Variants in PDZRN4 observed in about 807,000 individuals in gnomAD.
PDZRN4 encodes the protein PDZ domain containing ring finger 4.
PDZRN4 carries 70 observed loss-of-function variants against 99.0 expected under a neutral mutation model. The observed-to-expected ratio is 0.71, with a 90% CI of 0.58 to 0.86. The LOEUF (loss-of-function observed/expected upper bound fraction) is 0.86, where lower values mean the gene tolerates loss of function less well. Among genes scored for constraint, PDZRN4 ranks in the 40% least tolerant of loss-of-function variants. The pLI, the probability that PDZRN4 is intolerant of heterozygous loss-of-function variation, is 0.00. For missense variants in PDZRN4, 1,474 were observed against 1,331.2 expected, an observed-to-expected ratio of 1.11 and a Z score of -1.67; for synonymous variants, 551 against 501.6, an observed-to-expected ratio of 1.10 and a Z score of -1.32.
At chr12:41,300,015 A>G (rs1413264227) in intron 3 of PDZRN4, among the ~76,000 whole-genome samples, 1 of 151,924 alleles carries the variant, frequency 6.6e-6, no homozygotes, top group Non-Finnish European at 1.5e-5. Flanking sequence ...TTCTACCAGT[A>G]TTATTCCAAG....
intron 3 of PDZRN4, among the ~76,000 whole-genome samples, chr12:41,211,564 A>G (rs534495887): frequency 6.6e-6 from 1 of 152,040 alleles, no homozygotes; most frequent in Admixed American, 6.6e-5. Flanking sequence ...TTAAACAGAG[A>G]GATATGATCT....
intron 3 of PDZRN4, among the ~76,000 whole-genome samples, chr12:41,257,572 C>T (rs980528160): frequency 6.6e-6 from 1 of 152,086 alleles, no homozygotes; most frequent in Non-Finnish European, 1.5e-5. Flanking sequence ...AAAGAGTCTC[C>T]AAGAAATTCA....
chr12:41,373,598 G>A (rs932564148), intron 3 of PDZRN4, among the ~76,000 whole-genome samples: 2 of 152,106 alleles, frequency 1.3e-5, no homozygotes, highest in Non-Finnish European at 2.9e-5. Context: ...GAACATTGCT[G>A]TTATCCTGTT....
intron 3 of PDZRN4, among the ~76,000 whole-genome samples, chr12:41,229,801 G>T (rs548752075): frequency 3.7e-4 from 56 of 152,118 alleles, no homozygotes; most frequent in African/African-American, 1.3e-3. Flanking sequence ...CAGAGTCCAA[G>T]GTGAGGTCAA....
chr12:41,203,623 G>C (rs997894320), intron 3 of PDZRN4, among the ~76,000 whole-genome samples: 5 of 151,930 alleles, frequency 3.3e-5, no homozygotes, highest in Non-Finnish European at 7.4e-5. Flanking sequence ...GGTATTAATG[G>C]TGTCCCATTT....
At chr12:41,197,818 T>C (rs980359816) in intron 3 of PDZRN4, among the ~76,000 whole-genome samples, 2 of 152,124 alleles carry the variant, frequency 1.3e-5, no homozygotes, top group African/African-American at 4.8e-5. Flanking sequence ...CTAAGTGGTA[T>C]GTGGGAGGGA....
intron 3 of PDZRN4, among the ~76,000 whole-genome samples, chr12:41,387,601 C>CA (rs1333600533): frequency 6.6e-6 from 1 of 151,786 alleles, no homozygotes; most frequent in Non-Finnish European, 1.5e-5. Flanking sequence ...ACAACAACAA[C>CA]AAAAAAATGG....
intron 3 of PDZRN4, among the ~76,000 whole-genome samples, chr12:41,352,605 C>T (rs564190294): frequency 6.6e-6 from 1 of 152,150 alleles, no homozygotes; most frequent in South Asian, 2.1e-4. Flanking sequence ...TGTGATAAGG[C>T]CTTGACTAAT....
At position 41,557,908 on chromosome 12, in the gene PDZRN4, G is replaced by T. The variant is rs141334148; in HGVS notation, c.1365+2148G>T. ...GACCAGGAAGCCAAGACATAGTCTT[G>T]TTGACCACTGCATTTCTGTCATCTT... On this transcript the variant is annotated intron_variant, in intron 7 of 9. Coordinates refer to ENST00000402685, the MANE Select transcript of PDZRN4 (RefSeq NM_001164595.2). 2.1e-3 allele frequency among the ~76,000 whole-genome samples: 313 copies of T among 152,246 alleles called. 8 individuals are homozygous for T. The East Asian group carries it at 0.045, about 22-fold the overall frequency.
intron 3 of PDZRN4, among the ~76,000 whole-genome samples, chr12:41,417,241 T>C (rs1952452722): frequency 6.6e-6 from 1 of 152,216 alleles, no homozygotes; most frequent in Admixed American, 6.6e-5. Context: ...ATGTCTTTAA[T>C]GTCATAGTGT....
chr12:41,475,962 A>G (rs954232679), intron 3 of PDZRN4, among the ~76,000 whole-genome samples: 1 of 152,092 alleles, frequency 6.6e-6, no homozygotes, highest in African/African-American at 2.4e-5. Context: ...CAGCTCCTTG[A>G]GGATATTGTG....
At chr12:41,523,183 G>T (rs566593370) in intron 5 of PDZRN4, among the ~76,000 whole-genome samples, 1 of 152,032 alleles carries the variant, frequency 6.6e-6, no homozygotes, top group Non-Finnish European at 1.5e-5. Context: ...ATATGAGAAC[G>T]TGTAGTCCTG....
At chr12:41,400,730 T>G (rs919104795) in intron 3 of PDZRN4, among the ~76,000 whole-genome samples, 5 of 152,108 alleles carry the variant, frequency 3.3e-5, no homozygotes, top group Non-Finnish European at 5.9e-5. Context: ...CAATGAAAAA[T>G]AATTTCATTA....
chr12:41,230,087 C>A (rs1951018369), intron 3 of PDZRN4, among the ~76,000 whole-genome samples: 1 of 151,810 alleles, frequency 6.6e-6, no homozygotes, highest in South Asian at 2.1e-4. Flanking sequence ...AAATCACAAA[C>A]CGGATAACAT....
At chr12:41,331,318 C>A (rs1399712251) in intron 3 of PDZRN4, among the ~76,000 whole-genome samples, 1 of 151,886 alleles carries the variant, frequency 6.6e-6, no homozygotes, top group African/African-American at 2.4e-5. Context: ...TTTATCTGAC[C>A]ATTTACAGAT....
intron 3 of PDZRN4, among the ~76,000 whole-genome samples, chr12:41,388,700 A>G (rs1051173430): frequency 6.6e-6 from 1 of 152,184 alleles, no homozygotes; most frequent in Non-Finnish European, 1.5e-5. Context: ...TGGAAGACAG[A>G]TTCAGGATTG....
intron 3 of PDZRN4, among the ~76,000 whole-genome samples, chr12:41,233,097 AAAAC>A (rs749347149): frequency 1.3e-4 from 20 of 152,190 alleles, no homozygotes; most frequent in Non-Finnish European, 1.9e-4. Context: ...TGAAAATAAA[AAAAC>A]AAACAACCCC....
chr12:41,401,558 C>G (rs564342162), intron 3 of PDZRN4, among the ~76,000 whole-genome samples: 5 of 152,092 alleles, frequency 3.3e-5, no homozygotes, highest in Non-Finnish European at 7.4e-5. Flanking sequence ...CCTTTTTCAC[C>G]GATCCAGACT....
chr12:41,522,648 G>A (rs1338911636), intron 5 of PDZRN4, among the ~76,000 whole-genome samples: 12 of 152,042 alleles, frequency 7.9e-5, no homozygotes, highest in Admixed American at 7.9e-4. Flanking sequence ...TCTGCCAAAA[G>A]AAAAGAAAGC....
Sources: gnomAD v4.1 joint callset for allele counts (sites outside exome capture counted in the v4.1 genomes callset) on GRCh38, gnomAD v4.1.1 for gene constraint, MANE v1.5 for transcripts, NCBI Gene and HGNC (gene_info 2026-07-23, HGNC 2026-07-21) for gene names.